DOK6: variants seen among roughly 807,000 people sequenced by gnomAD.
DOK6 encodes docking protein 6, also known as downstream of tyrosine kinase 6.
In DOK6, 22 loss-of-function variants were observed where a neutral mutation model predicts 44.0. The ratio of observed to expected loss-of-function variants is 0.50; its 90% CI spans 0.36 to 0.71. DOK6 has a LOEUF of 0.71. DOK6 is among the 30% of genes least tolerant of loss of function. The pLI, the probability that DOK6 is intolerant of heterozygous loss-of-function variation, is 0.00. For synonymous variants in DOK6, 166 were observed against 145.5 expected, an observed-to-expected ratio of 1.14 and a Z score of -1.01; for missense variants, 340 against 416.4, an observed-to-expected ratio of 0.82 and a Z score of 1.60.
intron 6 of DOK6, among the ~76,000 whole-genome samples, chr18:69,739,867 C>G (rs879702181): frequency 5.7e-4 from 87 of 152,208 alleles, no homozygotes; most frequent in African/African-American, 2.0e-3. Flanking sequence ...ATCTATAATT[C>G]TCTTTGTGAA....
chr18:69,487,389 A>C (rs1360553908), intron 1 of DOK6, among the ~76,000 whole-genome samples: 1 of 152,158 alleles, frequency 6.6e-6, no homozygotes, highest in Non-Finnish European at 1.5e-5. Context: ...TGAGGAGGTC[A>C]CTAAGATCAC....
intron 7 of DOK6, among the ~76,000 whole-genome samples, chr18:69,789,339 A>C (rs941999785): frequency 6.6e-6 from 1 of 152,120 alleles, no homozygotes; most frequent in African/African-American, 2.4e-5. Context: ...TATTTCATTC[A>C]GTTTGTTCTT....
At chr18:69,433,586 G>T (rs1364458157) in intron 1 of DOK6, among the ~76,000 whole-genome samples, 1 of 152,006 alleles carries the variant, frequency 6.6e-6, no homozygotes, top group Non-Finnish European at 1.5e-5. Flanking sequence ...GAGCCACATT[G>T]CAGGGAAGAA....
At chr18:69,744,144 C>G (rs944841663) in intron 6 of DOK6, among the ~76,000 whole-genome samples, 2 of 152,000 alleles carry the variant, frequency 1.3e-5, no homozygotes, top group African/African-American at 2.4e-5. Flanking sequence ...AACCCCGTCT[C>G]TACTAAAAAT....
chr18:69,566,625 G>T (rs987229011), intron 2 of DOK6, among the ~76,000 whole-genome samples: 1 of 152,182 alleles, frequency 6.6e-6, no homozygotes, highest in Non-Finnish European at 1.5e-5. Flanking sequence ...TTCCACTCCT[G>T]GTTGGGAATT....
At chr18:69,586,773 G>A (rs1416794724) in intron 2 of DOK6, among the ~76,000 whole-genome samples, 2 of 152,042 alleles carry the variant, frequency 1.3e-5, no homozygotes, top group Admixed American at 6.6e-5. Context: ...TTCCTCCTGG[G>A]GCCCCGATAC....
At chr18:69,540,128 G>A (rs545269627) in intron 1 of DOK6, among the ~76,000 whole-genome samples, 1 of 152,214 alleles carries the variant, frequency 6.6e-6, no homozygotes, top group East Asian at 1.9e-4. Flanking sequence ...CTCCCACCAG[G>A]GCCTGCCATC....
chr18:69,501,993 T>A (rs1455183684), intron 1 of DOK6, among the ~76,000 whole-genome samples: 1 of 152,138 alleles, frequency 6.6e-6, no homozygotes, highest in East Asian at 1.9e-4. Context: ...ATTTCTTCCT[T>A]AATGTCTTCA....
chr18:69,472,709 C>T (rs778953105), intron 1 of DOK6, among the ~76,000 whole-genome samples: 1 of 152,130 alleles, frequency 6.6e-6, no homozygotes, highest in South Asian at 2.1e-4. Context: ...TACGTATACA[C>T]ATAAACATAC....
intron 1 of DOK6, among the ~76,000 whole-genome samples, chr18:69,402,303 A>G (rs1916118042): frequency 6.6e-6 from 1 of 152,174 alleles, no homozygotes; most frequent in East Asian, 1.9e-4. Flanking sequence ...AGTTCTACCA[A>G]GCTCCTGCCT....
At chr18:69,426,075 C>T (rs1178701759) in intron 1 of DOK6, among the ~76,000 whole-genome samples, 2 of 152,056 alleles carry the variant, frequency 1.3e-5, no homozygotes, top group African/African-American at 4.8e-5. Context: ...TTAATTTTTT[C>T]GTATGTGTAG....
At chr18:69,658,011 G>A (rs1053438600) in intron 3 of DOK6, among the ~76,000 whole-genome samples, 3 of 152,112 alleles carry the variant, frequency 2.0e-5, no homozygotes, top group African/African-American at 7.2e-5. Context: ...GAATGCAGTG[G>A]CATGATCATG....
chr18:69,558,367 A>T (rs1023450738), intron 1 of DOK6, among the ~76,000 whole-genome samples: 1 of 152,144 alleles, frequency 6.6e-6, no homozygotes, highest in Non-Finnish European at 1.5e-5. Flanking sequence ...GACACTTGCA[A>T]ATTCTCCACT....
intron 1 of DOK6, among the ~76,000 whole-genome samples, chr18:69,505,698 A>G (rs374704957): frequency 6.5e-4 from 98 of 151,726 alleles, no homozygotes; most frequent in African/African-American, 2.2e-3. Context: ...GGGTTTCACC[A>G]TGTTCACCAG....
intron 7 of DOK6, among the ~76,000 whole-genome samples, chr18:69,772,530 T>A (rs1437563919): frequency 6.6e-6 from 1 of 151,988 alleles, no homozygotes; most frequent in East Asian, 1.9e-4. Flanking sequence ...TATAGAGTAA[T>A]GGAACATAAT....
At chr18:69,453,931 G>A (rs111784603) in intron 1 of DOK6, among the ~76,000 whole-genome samples, 2 of 21,140 alleles carry the variant, frequency 9.5e-5, no homozygotes, top group Non-Finnish European at 7.5e-5. Context: ...AGATTTAAAC[G>A]TTAGACCTAA....
intron 1 of DOK6, among the ~76,000 whole-genome samples, chr18:69,500,196 A>G (rs764824571): frequency 2.0e-4 from 30 of 152,238 alleles, no homozygotes; most frequent in Non-Finnish European, 3.8e-4. Flanking sequence ...CCACCAACAT[A>G]CATACTGTGG....
intron 1 of DOK6, among the ~76,000 whole-genome samples, chr18:69,455,371 T>C (rs1351518332): frequency 1.3e-5 from 2 of 152,210 alleles, no homozygotes; most frequent in Non-Finnish European, 2.9e-5. Flanking sequence ...ACCTACTTTA[T>C]TTTTTAAGTC....
At chr18:69,578,426 A>G (rs528266260) in intron 2 of DOK6, among the ~76,000 whole-genome samples, 1 of 152,302 alleles carries the variant, frequency 6.6e-6, no homozygotes, top group East Asian at 1.9e-4. Context: ...TAAGAAAATA[A>G]TTCATATCAA....
Sources: allele counts gnomAD v4.1 joint callset (sites outside exome capture counted in the v4.1 genomes callset), GRCh38; gene constraint gnomAD v4.1.1; transcripts MANE v1.5; gene names NCBI Gene and HGNC (gene_info 2026-07-23, HGNC 2026-07-21).